TENM3: variants seen among roughly 807,000 people sequenced by gnomAD.
TENM3 encodes teneurin transmembrane protein 3, also known as teneurin-3.
TENM3 carries 63 observed loss-of-function variants against 255.1 expected under a neutral mutation model. The observed-to-expected ratio is 0.25, with a 90% confidence interval of 0.20 to 0.30. TENM3 has a LOEUF of 0.30. TENM3 is among the 10% of genes least tolerant of loss of function. The probability of loss-of-function intolerance (pLI) is 1.00; values close to 1 mark genes in which losing one functional copy is unlikely to be tolerated. For missense variants in TENM3, 2,929 were observed against 3,461.1 expected (o/e 0.85, Z 3.86); for synonymous variants, 1,306 against 1,322.3 (o/e 0.99, Z 0.27).
chr4:181,694,617 C>T, the TENM3 span, among the ~76,000 whole-genome samples: 1 of 152,096 alleles, frequency 6.6e-6, no homozygotes, highest in Non-Finnish European at 1.5e-5. Flanking sequence ...CACATGACCC[C>T]AAATGTAAGA....
intron 22 of TENM3, among the ~76,000 whole-genome samples, chr4:182,769,290 G>A (rs924534542): frequency 1.3e-5 from 2 of 151,868 alleles, no homozygotes; most frequent in African/African-American, 4.8e-5. Flanking sequence ...CCTGAGAGTC[G>A]TCTTTGAAGA....
chr4:182,176,894 C>G (rs777328300), intron 1 of TENM3, among the ~76,000 whole-genome samples: 3 of 140,000 alleles, frequency 2.1e-5, no homozygotes, highest in Non-Finnish European at 1.5e-5. Flanking sequence ...AGGCTGGTCT[C>G]GAATTCCTGA....
At chr4:182,501,103 G>A (rs1218519969) in intron 3 of TENM3, among the ~76,000 whole-genome samples, 1 of 152,014 alleles carries the variant, frequency 6.6e-6, no homozygotes, top group Non-Finnish European at 1.5e-5. Context: ...ATTGGTCATC[G>A]AATGATTTAA....
chr4:182,313,461 T>G (rs1038790757), intron 1 of TENM3, among the ~76,000 whole-genome samples: 2 of 152,052 alleles, frequency 1.3e-5, no homozygotes, highest in East Asian at 3.9e-4. Context: ...GTTCATAATA[T>G]ATTAAGTAAA....
chr4:182,456,141 C>T (rs1329793828), intron 3 of TENM3, among the ~76,000 whole-genome samples: 1 of 152,176 alleles, frequency 6.6e-6, no homozygotes, highest in African/African-American at 2.4e-5. Context: ...AAGGTCATTA[C>T]AAACATCAGT....
chr4:181,937,416 G>A, the TENM3 span, among the ~76,000 whole-genome samples: 1 of 152,224 alleles, frequency 6.6e-6, no homozygotes, highest in Non-Finnish European at 1.5e-5. Flanking sequence ...TCCTAGCGAG[G>A]GAAGAAGAGG....
chr4:182,481,428 C>G (rs1245408836), intron 3 of TENM3, among the ~76,000 whole-genome samples: 1 of 152,130 alleles, frequency 6.6e-6, no homozygotes, highest in Non-Finnish European at 1.5e-5. Flanking sequence ...CTTAAAGATT[C>G]ATTATTCAGT....
the TENM3 span, among the ~76,000 whole-genome samples, chr4:181,574,880 G>A: frequency 6.6e-6 from 1 of 152,018 alleles, no homozygotes; most frequent in African/African-American, 2.4e-5. Context: ...GAGAGATTAG[G>A]TCAATAATTA....
the TENM3 span, among the ~76,000 whole-genome samples, chr4:181,862,458 T>A: frequency 6.6e-6 from 1 of 152,054 alleles, no homozygotes; most frequent in Admixed American, 6.6e-5. Context: ...AATACCACCG[T>A]TTTCTTTTTT....
the TENM3 span, among the ~76,000 whole-genome samples, chr4:181,774,239 T>C: frequency 1.6e-5 from 1 of 61,758 alleles, no homozygotes; most frequent in Non-Finnish European, 3.0e-5. Flanking sequence ...ATTGTTCAAT[T>C]CCCACCTATG....
At chr4:181,505,268 C>A in the TENM3 span, among the ~76,000 whole-genome samples, 6 of 152,208 alleles carry the variant, frequency 3.9e-5, no homozygotes, top group Admixed American at 6.5e-5. Context: ...TGTTAAAATG[C>A]TGGTAGCTTT....
chr4:181,738,971 C>T, the TENM3 span, among the ~76,000 whole-genome samples: 1 of 152,274 alleles, frequency 6.6e-6, no homozygotes, highest in South Asian at 2.1e-4. Flanking sequence ...TTACCTCTCT[C>T]GAGTCCCTAT....
At chr4:181,539,639 G>A in the TENM3 span, among the ~76,000 whole-genome samples, 2 of 152,142 alleles carry the variant, frequency 1.3e-5, no homozygotes, top group African/African-American at 4.8e-5. Flanking sequence ...AAATGACAAT[G>A]TCCTAGATCT....
At chr4:182,797,832 A>G (rs528266658) in intron 27 of TENM3, among the ~76,000 whole-genome samples, 21 of 152,336 alleles carry the variant, frequency 1.4e-4, no homozygotes, top group Non-Finnish European at 2.6e-4. Context: ...TATCATTTCA[A>G]TGAAAACAAA....
chr4:181,534,387 A>G, the TENM3 span, among the ~76,000 whole-genome samples: 1 of 152,324 alleles, frequency 6.6e-6, no homozygotes, highest in Non-Finnish European at 1.5e-5. Context: ...TGATGAAGGC[A>G]GCATTTTAAA....
At chr4:182,192,364 C>T (rs553100421) in intron 1 of TENM3, among the ~76,000 whole-genome samples, 4 of 152,292 alleles carry the variant, frequency 2.6e-5, no homozygotes, top group African/African-American at 9.6e-5. Flanking sequence ...GAAGGACTAT[C>T]TTTGTATCTC....
chr4:181,450,384 TCAGTGTAG>T, the TENM3 span, among the ~76,000 whole-genome samples: 2 of 152,148 alleles, frequency 1.3e-5, no homozygotes, highest in African/African-American at 4.8e-5. Flanking sequence ...GCAAACACTT[TCAGTGTAG>T]TTTTGCAGAA....
At chr4:182,141,614 G>A (rs751459945), upstream of TENM3, 1 of 152,206 alleles carries the variant, frequency 6.6e-6, no homozygotes, top group Non-Finnish European at 1.5e-5. Flanking sequence ...AGAGTGCGCA[G>A]GGCCGTATTA....
the TENM3 span, among the ~76,000 whole-genome samples, chr4:181,791,969 C>T: frequency 6.6e-6 from 1 of 152,176 alleles, no homozygotes; most frequent in African/African-American, 2.4e-5. Context: ...GACATGTGAA[C>T]AGAAATGCAA....
Sources: gnomAD v4.1 joint callset for allele counts (sites outside exome capture counted in the v4.1 genomes callset) on GRCh38, gnomAD v4.1.1 for gene constraint, MANE v1.5 for transcripts, NCBI Gene and HGNC (gene_info 2026-07-23, HGNC 2026-07-21) for gene names.